TLL2: variants seen among roughly 807,000 people sequenced by gnomAD.
TLL2 encodes tolloid-like protein 2.
Under a neutral mutation model 123.0 loss-of-function variants are expected in TLL2, and 106 were observed. The observed-to-expected ratio is 0.86, with a 90% CI of 0.74 to 1.01. The LOEUF (loss-of-function observed/expected upper bound fraction) is 1.01, where lower values mean the gene tolerates loss of function less well. TLL2 is among the 50% of genes least tolerant of loss of function. The probability of loss-of-function intolerance (pLI) is 0.00; values close to 1 mark genes in which losing one functional copy is unlikely to be tolerated. For synonymous variants in TLL2, 494 were observed against 516.8 expected (o/e 0.96, Z 0.60); for missense variants, 1,332 against 1,336.7 (o/e 1.00, Z 0.06).
At chr10:96,474,052 T>A (rs1249353097) in intron 2 of TLL2, among the ~76,000 whole-genome samples, 1 of 152,150 alleles carries the variant, frequency 6.6e-6, no homozygotes, top group African/African-American at 2.4e-5. Context: ...ACACAGCTAA[T>A]CCGATTAGCA....
At chr10:96,488,598 G>T (rs962775511) in intron 1 of TLL2, among the ~76,000 whole-genome samples, 1 of 152,212 alleles carries the variant, frequency 6.6e-6, no homozygotes, top group Non-Finnish European at 1.5e-5. Context: ...ATGAGTCAGC[G>T]CTGCCCCTTA....
At position 96,433,111 on chromosome 10, in the gene TLL2, G is replaced by C. The variant is rs1846761542; in HGVS notation, c.365-149C>G. ...ATCAGTTCAGGGTTTGGAAGCCCTG[G>C]GTGGCAGTTTTCCAGATGGGGTAAG... On this transcript the variant is annotated intron_variant, in intron 3 of 20. Coordinates refer to ENST00000357947, the MANE Select transcript of TLL2 (RefSeq NM_012465.4). The C allele has an allele frequency of 1.1e-5, 12 of 1,059,850 alleles. No individual in the cohort carries two copies. The South Asian group carries it at 2.1e-4, about 18-fold the overall frequency. The allele number at this position is 1,059,850 out of a possible 1,614,324, so 65.7% of individuals were successfully genotyped here. A position where few individuals can be genotyped will look rare whatever the true frequency, so the allele number is the denominator to read the frequency against.
At chr10:96,460,551 C>T (rs1466873677) in intron 2 of TLL2, among the ~76,000 whole-genome samples, 1 of 152,126 alleles carries the variant, frequency 6.6e-6, no homozygotes, top group African/African-American at 2.4e-5. Context: ...TTCCCCCTTG[C>T]TGTTCTCATG....
chr10:96,441,803 T>C (rs2134085282), intron 3 of TLL2, among the ~76,000 whole-genome samples: 1 of 152,276 alleles, frequency 6.6e-6, no homozygotes, highest in East Asian at 1.9e-4. Flanking sequence ...GGCCTGAAGT[T>C]CGTGGGGCTC....
chr10:96,459,691 A>T (rs1448735090), intron 2 of TLL2, among the ~76,000 whole-genome samples: 681 of 56,532 alleles, frequency 0.012, 15 homozygotes, highest in Middle Eastern at 0.027. Flanking sequence ...AAAAAAAAAA[A>T]AAAAAAAAAA....
At chr10:96,473,309 G>A (rs1031789163) in intron 2 of TLL2, among the ~76,000 whole-genome samples, 2 of 152,122 alleles carry the variant, frequency 1.3e-5, no homozygotes, top group African/African-American at 4.8e-5. Flanking sequence ...ACAAAAATTA[G>A]CTGGGCATGG....
At chr10:96,433,551 C>T (rs1054401490) in intron 3 of TLL2, among the ~76,000 whole-genome samples, 1 of 152,112 alleles carries the variant, frequency 6.6e-6, no homozygotes, top group Non-Finnish European at 1.5e-5. Context: ...CGCGTTGGGC[C>T]TCCCACAATG....
At chr10:96,390,093 A>G (rs959953313) in intron 13 of TLL2, among the ~76,000 whole-genome samples, 1 of 152,246 alleles carries the variant, frequency 6.6e-6, no homozygotes. Flanking sequence ...AGTAGAAGAG[A>G]CTGGAAGCAG....
intron 7 of TLL2, 128 bp from the exon 8 acceptor site, chr10:96,413,444 A>G (rs1381807179): frequency 3.3e-6 from 4 of 1,208,784 alleles, no homozygotes; most frequent in Non-Finnish European, 4.5e-6. Flanking sequence ...AGCCTCTCCC[A>G]GGCTGGCATG....
chr10:96,476,879 C>CACACAG lies in TLL2; in HGVS notation c.286+3469_286+3470insCTGTGT, dbSNP rs1034456446. ...TGTTACACACACACACACACACACA[C>CACACAG]ACACACACACACACACACGCAAACA... is the stretch of plus-strand genomic sequence containing the variant. On this transcript the variant is annotated intron_variant, in intron 2 of 20. Coordinates refer to ENST00000357947, the MANE Select transcript of TLL2 (RefSeq NM_012465.4). 4.7e-5 allele frequency among the ~76,000 whole-genome samples: 7 copies of CACACAG among 149,158 alleles called. No individual in the cohort carries two copies. In the South Asian group the frequency reaches 8.8e-4, roughly 19 times the overall value.
chr10:96,371,704 C>A (rs571502963), intron 19 of TLL2, among the ~76,000 whole-genome samples: 1 of 152,152 alleles, frequency 6.6e-6, no homozygotes, highest in Non-Finnish European at 1.5e-5. Flanking sequence ...GACGCCCCCA[C>A]CCTCCCCACC....
rs891000394 is a variant in TLL2 at position 96,382,177 on chromosome 10, G to A, written c.2194+2410C>T. On this transcript the variant is annotated intron_variant, in intron 16 of 20. Transcript: ENST00000357947. ...CTCCCGAGTAGCTGGGACTACACAT[G>A]CGCCAGCGCGCCCAGCTTATTTTTT... Among the ~76,000 whole-genome samples, 36 of 152,168 alleles carry A rather than the reference G, an allele frequency of 2.4e-4. 1 individual carries two copies. Among genetic ancestry groups the A allele is most frequent in the Admixed American group, 1.2e-3 (19 of 15,280 alleles).
intron 1 of TLL2, among the ~76,000 whole-genome samples, chr10:96,496,196 A>G (rs1297458899): frequency 6.6e-6 from 1 of 152,152 alleles, no homozygotes; most frequent in African/African-American, 2.4e-5. Flanking sequence ...TTCCTAATTG[A>G]TCACAGCTCT....
chr10:96,385,942 C>T, intron 15 of TLL2, 113 bp downstream of exon 15: 1 of 1,194,934 alleles, frequency 8.4e-7, no homozygotes, highest in East Asian at 2.7e-5. Context: ...CTAAGACTGT[C>T]CAAAGCTTCA....
intron 2 of TLL2, among the ~76,000 whole-genome samples, chr10:96,447,287 G>A (rs1312992316): frequency 5.3e-5 from 8 of 152,264 alleles, no homozygotes; most frequent in Admixed American, 5.2e-4. Flanking sequence ...GCTGTGTTTT[G>A]TGACTTTATT....
chr10:96,473,271 G>A (rs1049552713), intron 2 of TLL2, among the ~76,000 whole-genome samples: 3 of 152,062 alleles, frequency 2.0e-5, no homozygotes, highest in East Asian at 3.9e-4. Flanking sequence ...CCTGGCCAAC[G>A]TGGTGAAACC....
chr10:96,445,716 C>G (rs1471437625), intron 3 of TLL2, among the ~76,000 whole-genome samples: 1 of 152,202 alleles, frequency 6.6e-6, no homozygotes, highest in African/African-American at 2.4e-5. Flanking sequence ...TATCTGAGAG[C>G]TATGCTGTTC....
chr10:96,404,387 C>T (rs1023719215), intron 10 of TLL2, among the ~76,000 whole-genome samples: 6 of 152,140 alleles, frequency 3.9e-5, no homozygotes, highest in Non-Finnish European at 7.3e-5. Context: ...AAACAATACA[C>T]GCTCATCATA....
chr10:96,369,661 T>C (rs1200254970), intron 20 of TLL2, among the ~76,000 whole-genome samples: 1 of 148,302 alleles, frequency 6.7e-6, no homozygotes, highest in Non-Finnish European at 1.5e-5. Flanking sequence ...CTTGGGAGGC[T>C]GAGGCAGGAG....
Sources: allele counts gnomAD v4.1 joint callset (sites outside exome capture counted in the v4.1 genomes callset), GRCh38; gene constraint gnomAD v4.1.1; transcripts MANE v1.5; gene names NCBI Gene and HGNC (gene_info 2026-07-23, HGNC 2026-07-21).